The following SDK1 variants were observed in gnomAD, a reference collection of about 807,000 sequenced individuals.
SDK1 encodes sidekick cell adhesion molecule 1, also known as protein sidekick-1.
A neutral mutation model predicts 245.5 loss-of-function variants in SDK1; 157 were observed. That is an observed-to-expected ratio of 0.64 (90% CI 0.56 to 0.73). SDK1 has a LOEUF of 0.73. SDK1 is among the 30% of genes least tolerant of loss of function. The probability of loss-of-function intolerance (pLI) is 0.00; values close to 1 mark genes in which losing one functional copy is unlikely to be tolerated. For synonymous variants in SDK1, 1,647 were observed against 1,278.5 expected (o/e 1.29, Z -6.15); for missense variants, 3,583 against 3,002.3 (o/e 1.19, Z -4.52).
intron 5 of SDK1, among the ~76,000 whole-genome samples, chr7:3,829,165 A>C (rs1779853869): frequency 6.6e-6 from 1 of 152,202 alleles, no homozygotes; most frequent in Admixed American, 6.5e-5. Flanking sequence ...ACTATACCAG[A>C]AATTATGTTC....
intron 2 of SDK1, among the ~76,000 whole-genome samples, chr7:3,634,872 G>A (rs1277827578): frequency 6.6e-6 from 1 of 152,176 alleles, no homozygotes. Flanking sequence ...CGTTAGTACG[G>A]AGGATTACTA....
In SDK1 at chr7:4,228,178, G is replaced by A. The variant is rs116330965; in HGVS notation, c.5828-5077G>A. Among the ~76,000 whole-genome samples the A allele has an allele frequency of 7.8e-3, 1,191 of 152,304 alleles. 14 individuals carry two copies. The highest frequency in any genetic ancestry group is 0.025 in the African/African-American group (1,031 of 41,574). On this transcript the variant is annotated intron_variant, in intron 40 of 44. Coordinates refer to ENST00000404826, the MANE Select transcript of SDK1 (RefSeq NM_152744.4). ...CAGGATTGGAGGTTGTGGTGACAGC[G>A]TGGCTTCTTCAGGAATATTTTGCAA...
At chr7:4,124,442 C>T (rs1784253534) in intron 25 of SDK1, among the ~76,000 whole-genome samples, 1 of 152,112 alleles carries the variant, frequency 6.6e-6, no homozygotes, top group Admixed American at 6.5e-5. Context: ...GTGTCTGTCT[C>T]CTCCCATGGC....
chr7:4,064,944 T>G (rs1779772960), intron 19 of SDK1, among the ~76,000 whole-genome samples: 1 of 152,062 alleles, frequency 6.6e-6, no homozygotes, highest in African/African-American at 2.4e-5. Context: ...GAGAGGTTAG[T>G]TGATGGGCAT....
At chr7:3,790,268 A>G (rs567448950) in intron 4 of SDK1, among the ~76,000 whole-genome samples, 4 of 152,154 alleles carry the variant, frequency 2.6e-5, no homozygotes, top group African/African-American at 4.8e-5. Flanking sequence ...TCAGATATTT[A>G]TATCTGAAAA....
intron 1 of SDK1, among the ~76,000 whole-genome samples, chr7:3,478,697 GCT>G (rs1339074315): frequency 6.6e-6 from 1 of 151,762 alleles, no homozygotes. Context: ...ATTTATTTTT[GCT>G]CTTTTATTAT....
chr7:3,888,873 G>C (rs1194543818), intron 5 of SDK1, among the ~76,000 whole-genome samples: 1 of 152,116 alleles, frequency 6.6e-6, no homozygotes, highest in African/African-American at 2.4e-5. Flanking sequence ...TTATTTTAAT[G>C]TTTCATTTTA....
chr7:3,527,196 C>A (rs547784172), intron 1 of SDK1, among the ~76,000 whole-genome samples: 61 of 152,212 alleles, frequency 4.0e-4, no homozygotes, highest in African/African-American at 1.4e-3. Context: ...TTCCAAATGT[C>A]CACAACGTCT....
At chr7:4,174,618 C>G (rs1035836300) in intron 33 of SDK1, among the ~76,000 whole-genome samples, 5 of 152,134 alleles carry the variant, frequency 3.3e-5, no homozygotes, top group African/African-American at 1.2e-4. Flanking sequence ...TGCCAGGCCT[C>G]CAGTGACTGC....
intron 13 of SDK1, among the ~76,000 whole-genome samples, chr7:3,983,699 A>G (rs1562618231): frequency 6.6e-6 from 1 of 152,206 alleles, no homozygotes; most frequent in Non-Finnish European, 1.5e-5. Context: ...CCTTCACATT[A>G]TGAAACAGGT....
intron 1 of SDK1, among the ~76,000 whole-genome samples, chr7:3,571,707 C>G (rs995029918): frequency 1.3e-5 from 2 of 151,366 alleles, no homozygotes; most frequent in African/African-American, 4.9e-5. Flanking sequence ...AAGTAATCTG[C>G]TTTGAATCAT....
chr7:3,341,128 A>T (rs965337842), intron 1 of SDK1, among the ~76,000 whole-genome samples: 4 of 152,180 alleles, frequency 2.6e-5, no homozygotes, highest in African/African-American at 9.7e-5. Context: ...TCAAGAAAAT[A>T]TTAGCAAATC....
chr7:3,583,825 GAGAA>G (rs1279048097), intron 1 of SDK1, among the ~76,000 whole-genome samples: 3 of 152,072 alleles, frequency 2.0e-5, no homozygotes, highest in South Asian at 4.2e-4. Context: ...TATTTCACTG[GAGAA>G]AGAAGGTGGC....
At chr7:3,758,001 C>A (rs1163958216) in intron 4 of SDK1, among the ~76,000 whole-genome samples, 1 of 152,128 alleles carries the variant, frequency 6.6e-6, no homozygotes, top group African/African-American at 2.4e-5. Flanking sequence ...TAGCTCTGTG[C>A]CAGGAACTGG....
At chr7:3,857,418 CA>C (rs1320876245) in intron 5 of SDK1, among the ~76,000 whole-genome samples, 2 of 152,280 alleles carry the variant, frequency 1.3e-5, no homozygotes, top group African/African-American at 4.8e-5. Context: ...TGTGACGGCT[CA>C]CACCTGTAAT....
intron 5 of SDK1, among the ~76,000 whole-genome samples, chr7:3,950,407 C>T (rs1780756493): frequency 6.6e-6 from 1 of 152,218 alleles, no homozygotes; most frequent in Admixed American, 6.5e-5. Flanking sequence ...TTCCATTACC[C>T]TCCGTCAACC....
chr7:3,550,166 A>G (rs963933776), intron 1 of SDK1, among the ~76,000 whole-genome samples: 5 of 152,124 alleles, frequency 3.3e-5, no homozygotes, highest in African/African-American at 1.2e-4. Flanking sequence ...GCATATCTCA[A>G]ATTTACATAT....
At chr7:3,348,687 A>G (rs541064893) in intron 1 of SDK1, among the ~76,000 whole-genome samples, 2 of 152,240 alleles carry the variant, frequency 1.3e-5, no homozygotes, top group South Asian at 4.1e-4. Flanking sequence ...GTACCCCCAA[A>G]TCTGAAATAA....
chr7:3,876,115 G>C (rs1465602920), intron 5 of SDK1, among the ~76,000 whole-genome samples: 2 of 152,160 alleles, frequency 1.3e-5, no homozygotes, highest in African/African-American at 4.8e-5. Context: ...TCAGGCACTA[G>C]TCTGCTGTTT....
Sources: gnomAD v4.1 joint callset for allele counts (sites outside exome capture counted in the v4.1 genomes callset) on GRCh38, gnomAD v4.1.1 for gene constraint, MANE v1.5 for transcripts, NCBI Gene and HGNC (gene_info 2026-07-23, HGNC 2026-07-21) for gene names.